KIRREL3: variants seen among roughly 807,000 people sequenced by gnomAD.
The protein encoded by KIRREL3 is kirre like nephrin family adhesion molecule 3.
In KIRREL3, 36 loss-of-function variants were observed where a neutral mutation model predicts 89.7. The ratio of observed to expected loss-of-function variants is 0.40; its 90% confidence interval spans 0.31 to 0.53. The LOEUF (loss-of-function observed/expected upper bound fraction) is 0.53, where lower values mean the gene tolerates loss of function less well. Among genes scored for constraint, KIRREL3 ranks in the 20% least tolerant of loss-of-function variants. The pLI, the probability that KIRREL3 is intolerant of heterozygous loss-of-function variation, is 0.49. For synonymous variants in KIRREL3, 445 were observed against 441.4 expected (o/e 1.01, Z -0.10); for missense variants, 864 against 1,056.6 (o/e 0.82, Z 2.53).
rs1951190250 is a variant in KIRREL3, at chr11:126,805,942, C to T, written c.55+194513G>A. Among the ~76,000 whole-genome samples, 1 of 152,276 alleles carries T rather than the reference C, an allele frequency of 6.6e-6. No individual in the cohort carries two copies. The highest frequency in any genetic ancestry group is 2.1e-4 in the South Asian group (1 of 4,818). ...TCCGTGCGGCCTCTCCCTTGGCTGT[C>T]CTCTGAATGTGCCTGTGCCCCCAAA... is the stretch of plus-strand genomic sequence containing the variant. On this transcript the variant is annotated intron_variant, in intron 1 of 16. Transcript: ENST00000525144. This position sits in a 1 kb window ranked among gnomAD's most constrained non-coding sequence, Gnocchi z 4.3.
intron 1 of KIRREL3, among the ~76,000 whole-genome samples, chr11:126,745,107 G>A (rs1221435416): frequency 6.6e-6 from 1 of 152,176 alleles, no homozygotes; most frequent in Non-Finnish European, 1.5e-5. Flanking sequence ...CTTTCCTTGA[G>A]AGGATCTCAT....
chr11:126,503,070 A>AT (rs1453814559), intron 4 of KIRREL3, among the ~76,000 whole-genome samples: 9 of 152,090 alleles, frequency 5.9e-5, no homozygotes, highest in African/African-American at 1.7e-4. Flanking sequence ...CCCCTTGATT[A>AT]TTTTTCCTCC....
In KIRREL3 at chr11:126,575,184, CG is replaced by C. The variant is rs1200143600; in HGVS notation, c.56-12273del. 1.3e-5 allele frequency among the ~76,000 whole-genome samples: 2 copies of C among 152,136 alleles called. No homozygotes were observed. Among genetic ancestry groups the C allele is most frequent in the Non-Finnish European group, 2.9e-5 (2 of 68,030 alleles). On this transcript the variant is annotated intron_variant, in intron 1 of 16. Coordinates refer to ENST00000525144, the MANE Select transcript of KIRREL3 (RefSeq NM_032531.4). This position sits in a 1 kb window ranked among gnomAD's most constrained non-coding sequence, Gnocchi z 7.0. The stretch of plus-strand genomic sequence containing the variant: ...AAAAAGAGGCTTAAGCTAAGAAGCC[CG>C]GGGAGTAGGAAGTTCTATGCTACCC...
At chr11:126,449,928 C>G (rs986528565) in intron 7 of KIRREL3, among the ~76,000 whole-genome samples, 21 of 152,370 alleles carry the variant, frequency 1.4e-4, no homozygotes, top group Admixed American at 1.4e-3. Context: ...CCTGGCTTTG[C>G]TCCTCTGAAG....
rs1592022436 is a variant in KIRREL3 at position 126,723,223 on chromosome 11, C to T, written c.56-160311G>A. Among the ~76,000 whole-genome samples the T allele has an allele frequency of 6.6e-6, 1 of 152,184 alleles. No individual in the cohort carries two copies. The highest frequency in any genetic ancestry group is 6.5e-5 in the Admixed American group (1 of 15,276). ...ACTTAGCATACAGAGCTGGATTTCC[C>T]CCACTGAAACCTCCACAGCCCTCCT... On this transcript the variant is annotated intron_variant, in intron 1 of 16. Transcript: ENST00000525144. The surrounding 1 kb of genome is among the most constrained non-coding windows in gnomAD (Gnocchi z 4.0).
chr11:126,986,161 C>A (rs1949861346), intron 1 of KIRREL3, among the ~76,000 whole-genome samples: 1 of 152,136 alleles, frequency 6.6e-6, no homozygotes, highest in African/African-American at 2.4e-5. Flanking sequence ...CCCCCCAAGC[C>A]CCTCTTGGTT....
chr11:126,759,563 G>A (rs1342102919), intron 1 of KIRREL3, among the ~76,000 whole-genome samples: 1 of 152,210 alleles, frequency 6.6e-6, no homozygotes, highest in Non-Finnish European at 1.5e-5. Context: ...AAAATCTGTG[G>A]AGATCATTAG....
Position 126,715,085 on chromosome 11 carries a change from G to T in KIRREL3, c.56-152173C>A, listed in dbSNP as rs1363184130. 6.6e-6 allele frequency among the ~76,000 whole-genome samples: 1 copy of T among 152,170 alleles called. No homozygotes were observed. On this transcript the variant is annotated intron_variant, in intron 1 of 16. Transcript: ENST00000525144. This position sits in a 1 kb window ranked among gnomAD's most constrained non-coding sequence, Gnocchi z 4.4. ...GGGACTCCATCCTCCTAATGATCAG[G>T]TTCTTGTGCAAGCCTGTGACACTTT...
intron 2 of KIRREL3, among the ~76,000 whole-genome samples, chr11:126,552,721 C>T (rs1218010651): frequency 6.6e-6 from 1 of 151,796 alleles, no homozygotes; most frequent in Non-Finnish European, 1.5e-5. Context: ...CCACCATGCC[C>T]AGCTAATTTT....
At chr11:126,461,964 C>T (rs1489385621) in intron 6 of KIRREL3, among the ~76,000 whole-genome samples, 3 of 152,198 alleles carry the variant, frequency 2.0e-5, no homozygotes, top group Non-Finnish European at 2.9e-5. Context: ...TTATGTTTGG[C>T]GGCAGGGAGG....
At position 126,771,344 on chromosome 11, in the gene KIRREL3, T is replaced by C. The variant is rs1044247126; in HGVS notation, c.56-208432A>G. ...AGTTAACAGACATGAGGTTTGAACT[T>C]TGAAATACCTGCTTACAGAGCCCAT... On this transcript the variant is annotated intron_variant, in intron 1 of 16. Coordinates refer to ENST00000525144, the MANE Select transcript of KIRREL3 (RefSeq NM_032531.4). The surrounding 1 kb of genome is among the most constrained non-coding windows in gnomAD (Gnocchi z 4.4). Among the ~76,000 whole-genome samples the C allele has an allele frequency of 8.5e-5, 13 of 152,156 alleles. No individual in the cohort carries two copies.
At position 126,561,557 on chromosome 11, in the gene KIRREL3, G is replaced by A. The variant is rs1940124829; in HGVS notation, c.133+1278C>T. ...GCAGTCTTGTCAAGGCAGTGGTGTT[G>A]GGGAGGGAAGGGGAGGCTGAGAAAG... On this transcript the variant is annotated intron_variant, in intron 2 of 16. Coordinates refer to ENST00000525144, the MANE Select transcript of KIRREL3 (RefSeq NM_032531.4). This position sits in a 1 kb window ranked among gnomAD's most constrained non-coding sequence, Gnocchi z 4.5. Among the ~76,000 whole-genome samples the A allele has an allele frequency of 6.6e-6, 1 of 152,164 alleles. No individual in the cohort carries two copies. Among genetic ancestry groups the A allele is most frequent in the Admixed American group, 6.5e-5 (1 of 15,278 alleles).
rs143371180 is a variant in KIRREL3 at position 126,601,118 on chromosome 11, G to A, written c.56-38206C>T. 1.4e-4 allele frequency among the ~76,000 whole-genome samples: 21 copies of A among 152,000 alleles called. No individual in the cohort carries two copies. The East Asian group carries it at 3.9e-3, about 28-fold the overall frequency. The stretch of plus-strand genomic sequence containing the variant: ...ATGTTCCAGGAAGCCAAAGCACAGA[G>A]CAATCTTTCCAATCTAGGAAGCAAT... On this transcript the variant is annotated intron_variant, in intron 1 of 16. Coordinates refer to ENST00000525144, the MANE Select transcript of KIRREL3 (RefSeq NM_032531.4). The surrounding 1 kb of genome is among the most constrained non-coding windows in gnomAD (Gnocchi z 5.8).
intron 2 of KIRREL3, among the ~76,000 whole-genome samples, chr11:126,556,758 G>C (rs1352562204): frequency 6.6e-6 from 1 of 152,136 alleles, no homozygotes; most frequent in Non-Finnish European, 1.5e-5. Context: ...GCTTTGGAAT[G>C]TTCCCTCAGA....
intron 1 of KIRREL3, chr11:126,988,430 G>A (rs920230571): frequency 2.0e-5 from 3 of 152,750 alleles, no homozygotes; most frequent in South Asian, 2.1e-4. Flanking sequence ...CCAGGGCAGG[G>A]GTTTCTGTGG....
intron 1 of KIRREL3, among the ~76,000 whole-genome samples, chr11:126,938,992 A>G (rs1291738978): frequency 6.6e-6 from 1 of 152,174 alleles, no homozygotes; most frequent in Non-Finnish European, 1.5e-5. Flanking sequence ...CCTGCCAGGG[A>G]AAAAGCTTCA....
In KIRREL3 at chr11:126,575,385, C is replaced by A. The variant is rs1325370889; in HGVS notation, c.56-12473G>T. ...CAGAGATATCCACCTTCAGTCTCCTCAATGTGTACAATGGAGAGGTCTTGG... is the reference window on the plus strand; with the variant it reads ...CAGAGATATCCACCTTCAGTCTCCTAAATGTGTACAATGGAGAGGTCTTGG... On this transcript the variant is annotated intron_variant, in intron 1 of 16. Transcript: ENST00000525144. The surrounding 1 kb of genome is among the most constrained non-coding windows in gnomAD (Gnocchi z 7.0). 6.6e-6 allele frequency among the ~76,000 whole-genome samples: 1 copy of A among 152,090 alleles called. No individual in the cohort carries two copies. Among genetic ancestry groups the A allele is most frequent in the Non-Finnish European group, 1.5e-5 (1 of 68,028 alleles).
At chr11:126,847,065 C>CA (rs772168901) in intron 1 of KIRREL3, among the ~76,000 whole-genome samples, 10 of 152,038 alleles carry the variant, frequency 6.6e-5, no homozygotes, top group Non-Finnish European at 1.3e-4. Flanking sequence ...TATGGTCAGG[C>CA]ATTACAATTG....
At chr11:126,452,453 T>A (rs556871744) in intron 7 of KIRREL3, among the ~76,000 whole-genome samples, 2 of 152,210 alleles carry the variant, frequency 1.3e-5, no homozygotes, top group Non-Finnish European at 2.9e-5. Flanking sequence ...AGCGGGCAGC[T>A]GGCTGGGCTG....
Sources: gnomAD v4.1 joint callset for allele counts (sites outside exome capture counted in the v4.1 genomes callset) on GRCh38, gnomAD v4.1.1 for gene constraint, Gnocchi (gnomAD v3.1) non-coding constraint, MANE v1.5 for transcripts, NCBI Gene and HGNC (gene_info 2026-07-23, HGNC 2026-07-21) for gene names.